SMIM36: variants seen among roughly 807,000 people sequenced by gnomAD.
SMIM36 encodes the protein small integral membrane protein 36.
chr17:55,513,656 G>A (rs551213991), upstream of SMIM36, among the ~76,000 whole-genome samples: 396 of 152,262 alleles, frequency 2.6e-3, no homozygotes, highest in African/African-American at 9.1e-3. Context: ...GATAGCCCAG[G>A]TGCCTCCATG....
chr17:55,463,975 G>A (rs1422451653), intron 4 of SMIM36, among the ~76,000 whole-genome samples: 1 of 152,006 alleles, frequency 6.6e-6, no homozygotes, highest in Non-Finnish European at 1.5e-5. Flanking sequence ...AATTAGCCTG[G>A]TGTGGAGGCA....
At chr17:55,527,526 T>G in the SMIM36 span, among the ~76,000 whole-genome samples, 106 of 152,342 alleles carry the variant, frequency 7.0e-4, no homozygotes, top group Non-Finnish European at 1.0e-3. Flanking sequence ...TCACATCTAC[T>G]CTTATTGTCA....
chr17:55,472,341 GCT>G (rs1283342478), intron 3 of SMIM36, among the ~76,000 whole-genome samples: 3 of 152,100 alleles, frequency 2.0e-5, no homozygotes, highest in African/African-American at 7.2e-5. Context: ...TAACTCGTGT[GCT>G]CTCTCTCGCT....
chr17:55,524,424 T>C, the SMIM36 span, among the ~76,000 whole-genome samples: 1 of 152,216 alleles, frequency 6.6e-6, no homozygotes, highest in Non-Finnish European at 1.5e-5. Context: ...TCTATTCCTT[T>C]GGTTATATAC....
At chr17:55,464,972 C>T (rs1909210605) in intron 4 of SMIM36, among the ~76,000 whole-genome samples, 1 of 152,136 alleles carries the variant, frequency 6.6e-6, no homozygotes, top group Admixed American at 6.5e-5. Context: ...TAGCAGTTCA[C>T]CTGAAAATAA....
rs538134758 is a variant in SMIM36, at chr17:55,501,654, T to C, written c.*174+9225A>G. 4.2e-3 allele frequency among the ~76,000 whole-genome samples: 597 copies of C among 143,380 alleles called. 1 individual carries two copies. Among genetic ancestry groups the C allele is most frequent in the South Asian group, 0.011 (52 of 4,722 alleles). The allele number at this position is 143,380 out of a possible 152,430, so 94.1% of individuals were successfully genotyped here. ...TACATAATGAGAAATTTAATATATA[T>C]TGAATATATAATATATATATTTTAT... On this transcript the variant is annotated intron_variant, in intron 1 of 4. Transcript: ENST00000636752.
chr17:55,453,512 G>A (rs552200371), intron 4 of SMIM36, among the ~76,000 whole-genome samples: 6 of 152,094 alleles, frequency 3.9e-5, no homozygotes, highest in Non-Finnish European at 7.4e-5. Context: ...TGGCAGTAAC[G>A]ATTTCCAGGT....
the SMIM36 span, among the ~76,000 whole-genome samples, chr17:55,521,026 G>A: frequency 6.6e-6 from 1 of 152,134 alleles, no homozygotes; most frequent in Non-Finnish European, 1.5e-5. Flanking sequence ...GGGAGGCTGA[G>A]GCAGGAGAAT....
At chr17:55,460,451 A>C (rs72838987) in intron 4 of SMIM36, among the ~76,000 whole-genome samples, 8,237 of 48,296 alleles carry the variant, frequency 0.17, 324 homozygotes, top group Non-Finnish European at 0.27. Flanking sequence ...AAAAAACAAA[A>C]CAAAAAAAAA....
intron 1 of SMIM36, among the ~76,000 whole-genome samples, chr17:55,499,786 TG>T (rs1362789440): frequency 6.6e-6 from 1 of 152,200 alleles, no homozygotes; most frequent in Non-Finnish European, 1.5e-5. Context: ...TGGTTCTAGC[TG>T]GCAAGCCATT....
chr17:55,505,638 T>A lies in SMIM36; in HGVS notation c.*174+5241A>T, dbSNP rs1910068444. Among the ~76,000 whole-genome samples, 2 of 67,608 alleles carry A rather than the reference T, an allele frequency of 3.0e-5. 1 individual carries two copies. 44.4% of individuals were successfully genotyped at this position (67,608 alleles called of 152,430 possible). A position where few individuals can be genotyped will look rare whatever the true frequency, so the allele number is the denominator to read the frequency against. On this transcript the variant is annotated intron_variant, in intron 1 of 4. Transcript: ENST00000636752. ...AATATCATACTGAATGGGCAAAAAC[T>A]GGAAGCATTCCCTTTGAAAACTGGC...
intron 1 of SMIM36, among the ~76,000 whole-genome samples, chr17:55,493,717 G>GGAGGATCCCTTGAGCCTGGGAAGTC (rs1379697476): frequency 6.6e-6 from 1 of 151,352 alleles, no homozygotes; most frequent in Admixed American, 6.6e-5. Context: ...GGCTGAGGTG[G>GGAGGATCCCTTGAGCCTGGGAAGTC]GAGGATCCCT....
chr17:55,466,212 G>T (rs143260402), intron 4 of SMIM36, among the ~76,000 whole-genome samples: 4 of 147,432 alleles, frequency 2.7e-5, no homozygotes, highest in African/African-American at 1.0e-4. Flanking sequence ...GGGAGGCAGA[G>T]GTTGCAGTGA....
At chr17:55,531,759 A>G in the SMIM36 span, among the ~76,000 whole-genome samples, 3 of 152,262 alleles carry the variant, frequency 2.0e-5, no homozygotes, top group Non-Finnish European at 2.9e-5. Context: ...ATGGAGCTAT[A>G]GTAGACATAA....
intron 1 of SMIM36, among the ~76,000 whole-genome samples, chr17:55,500,385 A>G (rs1909887053): frequency 6.6e-6 from 1 of 152,050 alleles, no homozygotes; most frequent in South Asian, 2.1e-4. Flanking sequence ...TCAGCTTCCC[A>G]TAGTGCTGAG....
chr17:55,496,957 A>C (rs1909819476), intron 1 of SMIM36, among the ~76,000 whole-genome samples: 1 of 152,194 alleles, frequency 6.6e-6, no homozygotes, highest in South Asian at 2.1e-4. Context: ...CTCCTCTTAC[A>C]AATCTTCAGG....
intron 1 of SMIM36, among the ~76,000 whole-genome samples, chr17:55,505,448 G>T (rs866357622): frequency 0.034 from 2,168 of 62,980 alleles, 692 homozygotes; most frequent in Middle Eastern, 0.14. Flanking sequence ...ATGTAATCCA[G>T]CATATAAACA....
chr17:55,480,867 G>A (rs975793335), intron 1 of SMIM36, among the ~76,000 whole-genome samples: 7 of 152,078 alleles, frequency 4.6e-5, no homozygotes, highest in Non-Finnish European at 8.8e-5. Flanking sequence ...TATGCAGTGT[G>A]ACAAAATTTC....
At chr17:55,489,292 C>T (rs959903780) in intron 1 of SMIM36, among the ~76,000 whole-genome samples, 16 of 152,112 alleles carry the variant, frequency 1.1e-4, no homozygotes, top group African/African-American at 1.4e-4. Context: ...GCAGGAGAAT[C>T]GCTTGAACCT....
Sources: gnomAD v4.1 joint callset for allele counts (sites outside exome capture counted in the v4.1 genomes callset) on GRCh38, gnomAD v4.1.1 for gene constraint, MANE v1.5 for transcripts, NCBI Gene and HGNC (gene_info 2026-07-23, HGNC 2026-07-21) for gene names.